Variants in GABRB1 observed in about 807,000 individuals in gnomAD.
The protein encoded by GABRB1 is gamma-aminobutyric acid type A receptor subunit beta1.
Under a neutral mutation model 51.6 loss-of-function variants are expected in GABRB1, and 17 were observed. The observed-to-expected ratio is 0.33, with a 90% CI of 0.23 to 0.49. The LOEUF (loss-of-function observed/expected upper bound fraction) is 0.49. Ranked by LOEUF, GABRB1 falls within the 20% of genes least tolerant of loss-of-function variation. The pLI is 0.99. For synonymous variants in GABRB1, 247 were observed against 218.9 expected, an observed-to-expected ratio of 1.13 and a Z score of -1.14; for missense variants, 410 against 600.6, an observed-to-expected ratio of 0.68 and a Z score of 3.32.
chr4:47,305,693 T>G (rs937898290), intron 4 of GABRB1, among the ~76,000 whole-genome samples: 1 of 152,160 alleles, frequency 6.6e-6, no homozygotes, highest in African/African-American at 2.4e-5. Context: ...TCCGTGTAAG[T>G]TGATGAATTT....
chr4:47,043,686 T>C (rs1233364454), intron 3 of GABRB1, among the ~76,000 whole-genome samples: 1 of 152,108 alleles, frequency 6.6e-6, no homozygotes, highest in African/African-American at 2.4e-5. Context: ...TCAATTTCAC[T>C]GAGTGGAGCT....
rs192959035 is a variant in GABRB1 at position 47,257,479 on chromosome 4, G to A, written c.462-62648G>A. On this transcript the variant is annotated intron_variant, in intron 4 of 8. Coordinates refer to ENST00000295454, the MANE Select transcript of GABRB1 (RefSeq NM_000812.4). ...CTCAAAGATTACAGCTAAAAGTTAGGGGAGGCAGGATCTTGAAATCTCACA... is the reference window on the plus strand; with the variant it reads ...CTCAAAGATTACAGCTAAAAGTTAGAGGAGGCAGGATCTTGAAATCTCACA... Among the ~76,000 whole-genome samples the A allele has an allele frequency of 3.7e-3, 566 of 152,144 alleles. 2 individuals are homozygous for A. Among genetic ancestry groups the A allele is most frequent in the Non-Finnish European group, 6.8e-3 (461 of 67,990 alleles).
chr4:47,070,374 C>T (rs1240445461), intron 3 of GABRB1, among the ~76,000 whole-genome samples: 1 of 151,596 alleles, frequency 6.6e-6, no homozygotes, highest in Non-Finnish European at 1.5e-5. Context: ...TCTTTTTGCC[C>T]AGGCTAGAGT....
At chr4:47,235,497 C>G (rs867618443) in intron 4 of GABRB1, among the ~76,000 whole-genome samples, 2 of 151,234 alleles carry the variant, frequency 1.3e-5, no homozygotes, top group Non-Finnish European at 2.9e-5. Context: ...TGCAGTGAGC[C>G]GAGATCCTGC....
chr4:47,158,921 T>C (rs956951870), intron 3 of GABRB1, among the ~76,000 whole-genome samples: 1 of 152,048 alleles, frequency 6.6e-6, no homozygotes, highest in South Asian at 2.1e-4. Flanking sequence ...CTAAAGTACC[T>C]TAACCTTAAT....
chr4:47,182,795 G>C (rs1428173900), intron 4 of GABRB1, among the ~76,000 whole-genome samples: 1 of 151,886 alleles, frequency 6.6e-6, no homozygotes, highest in Non-Finnish European at 1.5e-5. Context: ...GAGCCTTTTT[G>C]TCAGTGTTAT....
chr4:47,090,704 C>T (rs1272265440), intron 3 of GABRB1, among the ~76,000 whole-genome samples: 1 of 152,262 alleles, frequency 6.6e-6, no homozygotes, highest in Non-Finnish European at 1.5e-5. Context: ...AGAGAACCTA[C>T]TACATTAAAG....
At chr4:47,224,987 C>T (rs923058682) in intron 4 of GABRB1, among the ~76,000 whole-genome samples, 1 of 152,062 alleles carries the variant, frequency 6.6e-6, no homozygotes, top group Non-Finnish European at 1.5e-5. Context: ...CTCCACCTCT[C>T]GGATTCAAGC....
At chr4:47,388,406 A>G (rs187423079) in intron 5 of GABRB1, among the ~76,000 whole-genome samples, 68 of 152,294 alleles carry the variant, frequency 4.5e-4, no homozygotes, top group Non-Finnish European at 8.1e-4. Flanking sequence ...GCCAGGGTCG[A>G]AATGGAGTAG....
At position 47,419,619 on chromosome 4, in the gene GABRB1, T is replaced by C. The variant is rs934246658; in HGVS notation, c.1081-6055T>C. 1.8e-4 allele frequency among the ~76,000 whole-genome samples: 28 copies of C among 152,222 alleles called. 1 individual carries two copies. Among genetic ancestry groups the C allele is most frequent in the African/African-American group, 6.8e-4 (28 of 41,462 alleles). ...GGCTTTATTTGTTGAGATCTCTGAA[T>C]TTATAAAATGAGGGCCATGATGTTC... On this transcript the variant is annotated intron_variant, in intron 8 of 8. Coordinates refer to ENST00000295454, the MANE Select transcript of GABRB1 (RefSeq NM_000812.4).
chr4:47,139,017 C>A (rs1465400869), intron 3 of GABRB1, among the ~76,000 whole-genome samples: 1 of 152,048 alleles, frequency 6.6e-6, no homozygotes, highest in East Asian at 1.9e-4. Flanking sequence ...CAGCCTCCTT[C>A]TACTCTACTT....
At chr4:47,246,131 A>C (rs1156819626) in intron 4 of GABRB1, among the ~76,000 whole-genome samples, 1 of 147,440 alleles carries the variant, frequency 6.8e-6, no homozygotes, top group African/African-American at 2.5e-5. Context: ...CATCCTCATA[A>C]CTTAGCTCCT....
At chr4:47,072,689 G>A (rs1727388588) in intron 3 of GABRB1, among the ~76,000 whole-genome samples, 1 of 152,122 alleles carries the variant, frequency 6.6e-6, no homozygotes, top group Non-Finnish European at 1.5e-5. Context: ...TCCTAAGAAT[G>A]ATATTTCTGC....
intron 4 of GABRB1, among the ~76,000 whole-genome samples, chr4:47,312,870 G>A (rs1724754585): frequency 6.6e-6 from 1 of 152,144 alleles, no homozygotes; most frequent in South Asian, 2.1e-4. Context: ...TTGTGTGTGT[G>A]TGTAAAAACC....
intron 3 of GABRB1, among the ~76,000 whole-genome samples, chr4:47,078,458 A>G (rs1727670196): frequency 6.6e-6 from 1 of 152,148 alleles, no homozygotes; most frequent in African/African-American, 2.4e-5. Context: ...TTTTATTCAA[A>G]GTAATCTTAG....
intron 4 of GABRB1, among the ~76,000 whole-genome samples, chr4:47,175,069 CT>C (rs1718619049): frequency 6.9e-6 from 1 of 145,402 alleles, no homozygotes; most frequent in South Asian, 2.3e-4. Context: ...TCTTTCCTTC[CT>C]CCTTTCCTCC....
At chr4:47,327,443 T>G (rs992826393) in intron 5 of GABRB1, among the ~76,000 whole-genome samples, 1 of 152,216 alleles carries the variant, frequency 6.6e-6, no homozygotes, top group Admixed American at 6.5e-5. Context: ...AACATTTATA[T>G]TACTTTAGGA....
intron 4 of GABRB1, among the ~76,000 whole-genome samples, chr4:47,213,276 G>T (rs1049200024): frequency 1.3e-5 from 2 of 152,132 alleles, no homozygotes; most frequent in African/African-American, 2.4e-5. Context: ...AGCTGCTATT[G>T]CTCCAGCCCA....
At chr4:47,154,287 C>G (rs12501039) in intron 3 of GABRB1, among the ~76,000 whole-genome samples, 5 of 143,760 alleles carry the variant, frequency 3.5e-5, no homozygotes, top group Admixed American at 6.8e-5. Context: ...TCCTAAGGGG[C>G]GTTTCTTTTT....
Sources: allele counts gnomAD v4.1 joint callset (sites outside exome capture counted in the v4.1 genomes callset), GRCh38; gene constraint gnomAD v4.1.1; transcripts MANE v1.5; gene names NCBI Gene and HGNC (gene_info 2026-07-23, HGNC 2026-07-21).